PHF14: variants seen among roughly 807,000 people sequenced by gnomAD.
PHF14 encodes the protein PHD finger protein 14.
A neutral mutation model predicts 117.9 loss-of-function variants in PHF14; 55 were observed. The ratio of observed to expected loss-of-function variants is 0.47; its 90% CI spans 0.38 to 0.58. The LOEUF is 0.58. Among genes scored for constraint, PHF14 ranks in the 20% least tolerant of loss-of-function variants. PHF14 has a pLI of 0.00. For synonymous variants in PHF14, 409 were observed against 368.6 expected (o/e 1.11, Z -1.26); for missense variants, 978 against 1,122.2 (o/e 0.87, Z 1.84).
intron 1 of PHF14, 150 bp downstream of exon 1, chr7:10,974,474 G>A (rs962822877): frequency 2.7e-6 from 2 of 735,046 alleles, no homozygotes; most frequent in Admixed American, 4.4e-5. Context: ...AATGAAGCCC[G>A]CTTGTTTTAT....
intron 7 of PHF14, among the ~76,000 whole-genome samples, chr7:11,029,805 T>C (rs1180195919): frequency 2.0e-5 from 3 of 152,148 alleles, no homozygotes; most frequent in African/African-American, 7.2e-5. Context: ...GTAATTTTTA[T>C]TGCACATTCA....
chr7:11,075,715 A>T (rs77258229), intron 16 of PHF14, among the ~76,000 whole-genome samples: 1 of 152,044 alleles, frequency 6.6e-6, no homozygotes, highest in Non-Finnish European at 1.5e-5. Context: ...AAACTATATC[A>T]ATATGTATCA....
rs1324332899 is a variant in PHF14 at position 11,099,012 on chromosome 7, A to T, written c.2655-12338A>T. On this transcript the variant is annotated intron_variant, in intron 16 of 17. Transcript: ENST00000634607. ...ATAATTTTTAAAAGTTCATTTCAAA[A>T]ATGCTTTTCTATTAGTAAAAATCAG... Among the ~76,000 whole-genome samples the T allele has an allele frequency of 2.0e-5, 3 of 152,300 alleles. No homozygotes were observed. The East Asian group carries it at 5.8e-4, about 29-fold the overall frequency.
At chr7:11,090,919 A>T (rs1016806976) in intron 16 of PHF14, among the ~76,000 whole-genome samples, 49 of 152,208 alleles carry the variant, frequency 3.2e-4, no homozygotes, top group African/African-American at 1.2e-3. Context: ...GCAGTCATTC[A>T]AGGGAATAAA....
intron 16 of PHF14, among the ~76,000 whole-genome samples, chr7:11,075,652 C>T (rs887188011): frequency 1.3e-5 from 2 of 150,372 alleles, no homozygotes; most frequent in African/African-American, 4.9e-5. Flanking sequence ...CCAGGCGCAC[C>T]TCCAACACTG....
chr7:11,023,682 G>C (rs1783811285), intron 6 of PHF14, among the ~76,000 whole-genome samples: 1 of 152,162 alleles, frequency 6.6e-6, no homozygotes, highest in East Asian at 1.9e-4. Context: ...CAACAAATTA[G>C]CTGGGCGTGG....
intron 17 of PHF14, among the ~76,000 whole-genome samples, chr7:11,122,984 G>A (rs1787819454): frequency 1.3e-5 from 2 of 152,166 alleles, no homozygotes; most frequent in South Asian, 4.1e-4. Flanking sequence ...CATCCACCTT[G>A]TTGGTAATTT....
At chr7:11,075,319 A>C (rs1457737527) in intron 16 of PHF14, among the ~76,000 whole-genome samples, 1 of 152,146 alleles carries the variant, frequency 6.6e-6, no homozygotes, top group East Asian at 1.9e-4. Flanking sequence ...AGAAGTACCA[A>C]AGGCTTGCTA....
intron 16 of PHF14, among the ~76,000 whole-genome samples, chr7:11,088,545 C>A (rs1195989089): frequency 6.6e-6 from 1 of 152,084 alleles, no homozygotes; most frequent in Non-Finnish European, 1.5e-5. Context: ...AAATGTATTT[C>A]ATTTGTAATC....
chr7:11,051,112 C>G (rs1044107412), intron 13 of PHF14, among the ~76,000 whole-genome samples: 2 of 152,082 alleles, frequency 1.3e-5, no homozygotes, highest in African/African-American at 2.4e-5. Flanking sequence ...GAGATCATAG[C>G]TCACTGCAGC....
At chr7:11,150,630 T>C (rs552305111) in intron 17 of PHF14, among the ~76,000 whole-genome samples, 2 of 152,340 alleles carry the variant, frequency 1.3e-5, no homozygotes, top group Non-Finnish European at 2.9e-5. Flanking sequence ...GATTTATTTG[T>C]ATATTAGAAT....
chr7:11,102,751 ATTTTTCTTC>A (rs1244011201), intron 16 of PHF14: 2 of 1,377,508 alleles, frequency 1.5e-6, no homozygotes, highest in East Asian at 5.2e-5. Context: ...TTTTTTTCCT[ATTTTTCTTC>A]TTTTTGCTTT....
At chr7:11,005,787 C>CTTTTTTT (rs951270672) in intron 4 of PHF14, among the ~76,000 whole-genome samples, 40 of 84,466 alleles carry the variant, frequency 4.7e-4, no homozygotes, top group African/African-American at 6.2e-4. Flanking sequence ...AGTAAAAATT[C>CTTTTTTT]TTTTTTTTTT....
intron 7 of PHF14, among the ~76,000 whole-genome samples, chr7:11,033,518 A>G (rs1028577586): frequency 1.3e-5 from 2 of 152,186 alleles, no homozygotes; most frequent in Non-Finnish European, 2.9e-5. Flanking sequence ...ACATGGCCAC[A>G]TCTAGCTGTG....
intron 13 of PHF14, among the ~76,000 whole-genome samples, chr7:11,050,735 A>G (rs913953107): frequency 1.3e-5 from 2 of 152,182 alleles, no homozygotes; most frequent in African/African-American, 4.8e-5. Flanking sequence ...TTAATTTTTA[A>G]TATTACCCAT....
At chr7:11,156,487 A>G (rs1788856378) in intron 17 of PHF14, among the ~76,000 whole-genome samples, 1 of 152,182 alleles carries the variant, frequency 6.6e-6, no homozygotes, top group East Asian at 1.9e-4. Flanking sequence ...TTCACTTGGT[A>G]GTAAAGTTTT....
chr7:10,993,908 C>G (rs1354710520), intron 4 of PHF14, among the ~76,000 whole-genome samples: 1 of 151,176 alleles, frequency 6.6e-6, no homozygotes. Context: ...ACTCTGGAGG[C>G]TAAGGCAGGA....
At chr7:10,982,294 C>T in intron 2 of PHF14, 78 bp from the exon 3 acceptor site, 1 of 977,558 alleles carries the variant, frequency 1.0e-6, no homozygotes, top group Non-Finnish European at 1.4e-6. Flanking sequence ...TTGGTGGTTT[C>T]ATTTGTGTCA....
chr7:11,141,521 T>C (rs907458601), intron 17 of PHF14, among the ~76,000 whole-genome samples: 1 of 152,084 alleles, frequency 6.6e-6, no homozygotes, highest in Non-Finnish European at 1.5e-5. Context: ...GTTTGTTATA[T>C]GCAGAAAAAG....
Sources: gnomAD v4.1 joint callset for allele counts (sites outside exome capture counted in the v4.1 genomes callset) on GRCh38, gnomAD v4.1.1 for gene constraint, MANE v1.5 for transcripts, NCBI Gene and HGNC (gene_info 2026-07-23, HGNC 2026-07-21) for gene names.